Variants in NTN4 observed in about 807,000 individuals in gnomAD.
NTN4 encodes netrin-4.
Under a neutral mutation model 73.6 loss-of-function variants are expected in NTN4, and 32 were observed. The ratio of observed to expected loss-of-function variants is 0.44; its 90% CI spans 0.33 to 0.58. The LOEUF (loss-of-function observed/expected upper bound fraction) is 0.58. Ranked by LOEUF, NTN4 falls within the 20% of genes least tolerant of loss-of-function variation. The pLI, the probability that NTN4 is intolerant of heterozygous loss-of-function variation, is 0.04. For synonymous variants in NTN4, 258 were observed against 287.5 expected, an observed-to-expected ratio of 0.90 and a Z score of 1.04; for missense variants, 654 against 798.3, an observed-to-expected ratio of 0.82 and a Z score of 2.18.
intron 5 of NTN4, among the ~76,000 whole-genome samples, chr12:95,705,761 T>A (rs2078518145): frequency 6.6e-6 from 1 of 152,184 alleles, no homozygotes; most frequent in Non-Finnish European, 1.5e-5. Context: ...ACTAGTTGCC[T>A]ATATATACAT....
At chr12:95,712,586 C>G (rs933743099) in intron 4 of NTN4, among the ~76,000 whole-genome samples, 9 of 151,918 alleles carry the variant, frequency 5.9e-5, no homozygotes, top group African/African-American at 2.2e-4. Flanking sequence ...ATCAGATGTT[C>G]TCGTGTCTAT....
chr12:95,672,495 C>A, intron 7 of NTN4: 1 of 1,536,052 alleles, frequency 6.5e-7, no homozygotes, highest in Non-Finnish European at 9.0e-7. Flanking sequence ...AGAGAGCGAC[C>A]CGGACCCTCT....
chr12:95,771,030 C>T (rs1169165905), intron 2 of NTN4, among the ~76,000 whole-genome samples: 4 of 137,344 alleles, frequency 2.9e-5, no homozygotes, highest in African/African-American at 5.9e-5. Flanking sequence ...CGCTCTGTCG[C>T]CCAGGCTGGA....
intron 3 of NTN4, among the ~76,000 whole-genome samples, chr12:95,724,316 T>A (rs1471316244): frequency 6.6e-6 from 1 of 152,224 alleles, no homozygotes; most frequent in Non-Finnish European, 1.5e-5. Flanking sequence ...CCATCATTAC[T>A]CCACTCTATA....
intron 2 of NTN4, 52 bp downstream of exon 2, chr12:95,786,887 G>A (rs1277137890): frequency 1.4e-6 from 2 of 1,467,554 alleles, no homozygotes; most frequent in Non-Finnish European, 1.9e-6. Flanking sequence ...AATGCGGGCT[G>A]GTAACATTTT....
chr12:95,786,647 G>T (rs1186242152), intron 2 of NTN4, among the ~76,000 whole-genome samples: 4 of 152,138 alleles, frequency 2.6e-5, no homozygotes, highest in Non-Finnish European at 5.9e-5. Flanking sequence ...GTAGTCCCGA[G>T]AACTGAAGCA....
At chr12:95,714,303 T>G (rs1035445341) in intron 3 of NTN4, among the ~76,000 whole-genome samples, 4 of 152,224 alleles carry the variant, frequency 2.6e-5, no homozygotes. Context: ...CAAGATTATT[T>G]ATTTACATGA....
At chr12:95,673,650 A>G (rs1328659985) in intron 7 of NTN4, 1 of 152,718 alleles carries the variant, frequency 6.5e-6, no homozygotes, top group East Asian at 1.9e-4. Context: ...AGTATAGTAT[A>G]TATAAATAAT....
At chr12:95,721,360 A>G (rs1162095149) in intron 3 of NTN4, among the ~76,000 whole-genome samples, 1 of 152,116 alleles carries the variant, frequency 6.6e-6, no homozygotes, top group Non-Finnish European at 1.5e-5. Context: ...GACTGGCCCC[A>G]ATTTCCCACA....
At chr12:95,779,345 A>C (rs1338880866) in intron 2 of NTN4, among the ~76,000 whole-genome samples, 10 of 152,244 alleles carry the variant, frequency 6.6e-5, no homozygotes, top group African/African-American at 2.2e-4. Flanking sequence ...AGCGTATTCA[A>C]TTAGGAAAAG....
chr12:95,790,389 G>T lies in NTN4; in HGVS notation c.-80C>A, dbSNP rs1273117118. 12 of 1,253,498 alleles carry T rather than the reference G, an allele frequency of 9.6e-6. No individual in the cohort carries two copies. Among genetic ancestry groups the T allele is most frequent in the Non-Finnish European group, 1.1e-6 (1 of 926,980 alleles). The allele number at this position is 1,253,498 out of a possible 1,614,324, so 77.6% of individuals were successfully genotyped here. On this transcript the variant is annotated 5_prime_UTR_variant, in exon 1 of 10. Transcript: ENST00000343702. The surrounding 1 kb of genome is among the most constrained non-coding windows in gnomAD (Gnocchi z 6.5). ...CCTCTGGGCTGCGGGATGAAGCGCC[G>T]CCGTCCTCGGGAGGGAACGGGGCCC...
intron 2 of NTN4, among the ~76,000 whole-genome samples, chr12:95,755,800 G>A (rs377215678): frequency 3.3e-5 from 5 of 152,312 alleles, no homozygotes; most frequent in Admixed American, 6.5e-5. Context: ...AGGCAGCTTC[G>A]TAAATATCTT....
rs1002494673 is a variant in NTN4 at position 95,790,296 on chromosome 12, G to T, written c.14C>A (p.Ala5Glu). 1.7e-4 allele frequency: 265 copies of T among 1,532,558 alleles called. No homozygotes were observed. The highest frequency in any genetic ancestry group is 2.3e-4 in the Non-Finnish European group (258 of 1,140,288). 94.9% of individuals were successfully genotyped at this position (1,532,558 alleles called of 1,614,324 possible). MGSC[A>E]RLLLLWGCTV... ...GCAGCCCCAGAGCAGCAGCAGCCGC[G>T]CGCAGCTCCCCATGGCCGGGAGGAG... is the stretch of plus-strand genomic sequence containing the variant. Residue 5 changes from alanine to glutamate, a missense_variant, in exon 1 of 10, where the codon GCG becomes GAG. Coordinates refer to ENST00000343702, the MANE Select transcript of NTN4 (RefSeq NM_021229.4). This position sits in a 1 kb window ranked among gnomAD's most constrained non-coding sequence, Gnocchi z 6.5.
rs2078326507 is a variant in NTN4 at position 95,682,557 on chromosome 12, C to T, written c.1510+150G>A. 1.2e-5 allele frequency: 6 copies of T among 485,050 alleles called. No individual in the cohort carries two copies. The South Asian group carries it at 2.1e-4, about 17-fold the overall frequency. 30.0% of individuals were successfully genotyped at this position (485,050 alleles called of 1,614,324 possible). On this transcript the variant is annotated intron_variant, in intron 7 of 9. Transcript: ENST00000343702. ...CTTAGCTATATTTTACAGTTTCATA[C>T]TTACAGGAGTCACTACTTTATTATA...
chr12:95,661,948 G>T (rs1452251507), intron 9 of NTN4, among the ~76,000 whole-genome samples: 1 of 152,096 alleles, frequency 6.6e-6, no homozygotes, highest in Non-Finnish European at 1.5e-5. Flanking sequence ...GGATCAGTTG[G>T]GAAATAGAAA....
intron 6 of NTN4, 110 bp downstream of exon 6, chr12:95,683,388 G>T: frequency 2.0e-6 from 2 of 1,013,928 alleles, no homozygotes; most frequent in Non-Finnish European, 2.9e-6. Context: ...AAAGAGATGT[G>T]CAAATACATC....
intron 1 of NTN4, 95 bp from the exon 2 acceptor site, chr12:95,787,563 A>G: frequency 8.1e-7 from 1 of 1,233,472 alleles, no homozygotes; most frequent in African/African-American, 1.5e-5. Context: ...GATCTCCCCA[A>G]AAGCGCTTGA....
At chr12:95,722,714 C>A (rs928605336) in intron 3 of NTN4, among the ~76,000 whole-genome samples, 1 of 152,078 alleles carries the variant, frequency 6.6e-6, no homozygotes, top group African/African-American at 2.4e-5. Flanking sequence ...GTGGCTCATG[C>A]CTGTAATCCC....
chr12:95,718,405 G>A (rs984366588), intron 3 of NTN4, among the ~76,000 whole-genome samples: 1 of 152,158 alleles, frequency 6.6e-6, no homozygotes, highest in Non-Finnish European at 1.5e-5. Flanking sequence ...CAAGCATATG[G>A]GATGGATGCT....
Sources: allele counts gnomAD v4.1 joint callset (sites outside exome capture counted in the v4.1 genomes callset), GRCh38; gene constraint gnomAD v4.1.1; non-coding constraint Gnocchi (gnomAD v3.1); transcripts MANE v1.5; gene names NCBI Gene and HGNC (gene_info 2026-07-23, HGNC 2026-07-21).